The following B3GAT2 variants were observed in gnomAD, a reference collection of about 807,000 sequenced individuals.
B3GAT2 encodes the protein beta-1,3-glucuronyltransferase 2.
A neutral mutation model predicts 27.8 loss-of-function variants in B3GAT2; 26 were observed. The ratio of observed to expected loss-of-function variants is 0.93; its 90% confidence interval spans 0.68 to 1.30. B3GAT2 has a LOEUF of 1.30. B3GAT2 is among the 50% of genes most tolerant of loss of function. The pLI, the probability that B3GAT2 is intolerant of heterozygous loss-of-function variation, is 0.00. For missense variants in B3GAT2, 458 were observed against 459.0 expected, an observed-to-expected ratio of 1.00 and a Z score of 0.02; for synonymous variants, 218 against 195.1, an observed-to-expected ratio of 1.12 and a Z score of -0.98.
At chr6:70,951,975 C>G (rs1013928572) in intron 1 of B3GAT2, among the ~76,000 whole-genome samples, 2 of 151,972 alleles carry the variant, frequency 1.3e-5, no homozygotes, top group African/African-American at 4.8e-5. Flanking sequence ...TGTTTCCTTT[C>G]AGGAAACATA....
intron 1 of B3GAT2, among the ~76,000 whole-genome samples, chr6:70,902,162 G>A (rs1772509930): frequency 6.6e-6 from 1 of 152,182 alleles, no homozygotes; most frequent in Non-Finnish European, 1.5e-5. Flanking sequence ...TCAAGACAAT[G>A]TGGCATTAGT....
chr6:70,954,915 C>CGGGGCG (rs1554218595), intron 1 of B3GAT2, among the ~76,000 whole-genome samples: 9 of 114,960 alleles, frequency 7.8e-5, no homozygotes, highest in Non-Finnish European at 1.2e-4. Flanking sequence ...CCGGGGGCGG[C>CGGGGCG]GGGGGGGGGC....
intron 1 of B3GAT2, among the ~76,000 whole-genome samples, chr6:70,934,284 G>A (rs893526651): frequency 1.3e-5 from 2 of 152,080 alleles, no homozygotes; most frequent in Admixed American, 6.5e-5. Context: ...CCCTACATAC[G>A]GCATAAGCTT....
At chr6:70,904,900 G>A (rs544369597) in intron 1 of B3GAT2, among the ~76,000 whole-genome samples, 6 of 152,192 alleles carry the variant, frequency 3.9e-5, no homozygotes, top group Admixed American at 6.5e-5. Context: ...TCACTCCCTT[G>A]GCCAAGTGGT....
chr6:70,898,649 GA>G (rs1772435329), intron 1 of B3GAT2, among the ~76,000 whole-genome samples: 1 of 152,142 alleles, frequency 6.6e-6, no homozygotes, highest in African/African-American at 2.4e-5. Context: ...CTTTTGCCCA[GA>G]ACGCTAAATA....
rs1765663955 is a variant in B3GAT2, at chr6:70,956,701, C to T, written c.-272G>A. ...AGGTGAGCTGGCGGGAAGCGGGACTCGGTCCAGCCGCGCGCCGCCGGTCCC... is the reference window on the plus strand; with the variant it reads ...AGGTGAGCTGGCGGGAAGCGGGACTTGGTCCAGCCGCGCGCCGCCGGTCCC... On this transcript the variant is annotated 5_prime_UTR_variant, in exon 1 of 4. Transcript: ENST00000230053. 1.5e-6 allele frequency: 2 copies of T among 1,356,406 alleles called. No individual in the cohort carries two copies. The highest frequency in any genetic ancestry group is 1.9e-6 in the Non-Finnish European group (2 of 1,056,452). 84.0% of individuals were successfully genotyped at this position (1,356,406 alleles called of 1,614,324 possible). A position where few individuals can be genotyped will look rare whatever the true frequency, so the allele number is the denominator to read the frequency against.
chr6:70,917,765 T>A lies in B3GAT2; in HGVS notation c.592-23493A>T, dbSNP rs114533350. On this transcript the variant is annotated intron_variant, in intron 1 of 3. Transcript: ENST00000230053. The stretch of plus-strand genomic sequence containing the variant: ...GATTGCATTGCGGTCTGAGAGACAG[T>A]TTGATGTAATTTCTGTTCTTTTATA... Among the ~76,000 whole-genome samples the A allele has an allele frequency of 3.9e-3, 596 of 152,292 alleles. 6 individuals carry two copies. The highest frequency in any genetic ancestry group is 0.014 in the African/African-American group (569 of 41,554).
At chr6:70,890,115 C>T (rs1369118843) in intron 2 of B3GAT2, among the ~76,000 whole-genome samples, 1 of 152,106 alleles carries the variant, frequency 6.6e-6, no homozygotes, top group Non-Finnish European at 1.5e-5. Context: ...ATTCTGCTTC[C>T]AGCGGTCTTT....
chr6:70,904,833 G>A (rs1175593066), intron 1 of B3GAT2, among the ~76,000 whole-genome samples: 1 of 152,108 alleles, frequency 6.6e-6, no homozygotes, highest in Admixed American at 6.5e-5. Context: ...TATCACCCCT[G>A]GGGTTACTTG....
chr6:70,914,095 G>T (rs1239659633), intron 1 of B3GAT2, among the ~76,000 whole-genome samples: 2 of 151,946 alleles, frequency 1.3e-5, no homozygotes, highest in Non-Finnish European at 2.9e-5. Flanking sequence ...CATGAGATGG[G>T]TCTCTTGAAG....
In B3GAT2 at chr6:70,956,205, C is replaced by G; in HGVS notation, c.225G>C (p.Pro75=). Residue 75 remains proline, a synonymous_variant, in exon 1 of 4, where the codon CCG becomes CCC. Coordinates refer to ENST00000230053, the MANE Select transcript of B3GAT2 (RefSeq NM_080742.3). ...CATAGATGGTGGGCAGCTGCGGCTC[C>G]GGCTGTGGCTGCGGCCGAGACTGGT... ...KRNQSRPQPQ[P]EPQLPTIYAI... 6.2e-7 allele frequency: 1 copy of G among 1,612,128 alleles called. No individual in the cohort carries two copies. Among genetic ancestry groups the G allele is most frequent in the Non-Finnish European group, 8.5e-7 (1 of 1,179,028 alleles).
chr6:70,870,038 T>C (rs1269339571), intron 2 of B3GAT2, among the ~76,000 whole-genome samples: 1 of 152,172 alleles, frequency 6.6e-6, no homozygotes, highest in Non-Finnish European at 1.5e-5. Flanking sequence ...ATCCCATTAC[T>C]GGGTATATAC....
At chr6:70,883,793 T>C (rs181800914) in intron 2 of B3GAT2, among the ~76,000 whole-genome samples, 4 of 152,238 alleles carry the variant, frequency 2.6e-5, no homozygotes, top group Admixed American at 2.6e-4. Flanking sequence ...CAGGCAATCT[T>C]TTTGTTTATA....
chr6:70,954,052 C>T (rs899553882), intron 1 of B3GAT2, among the ~76,000 whole-genome samples: 10 of 152,188 alleles, frequency 6.6e-5, no homozygotes, highest in Non-Finnish European at 5.9e-5. Flanking sequence ...ACAATCTAGC[C>T]TCCTACAGTG....
At chr6:70,894,416 C>T in intron 1 of B3GAT2, 144 bp from the exon 2 acceptor site, 1 of 891,102 alleles carries the variant, frequency 1.1e-6, no homozygotes, top group Non-Finnish European at 1.6e-6. Flanking sequence ...CCTTCTGCTG[C>T]TAGAGTATGG....
intron 2 of B3GAT2, among the ~76,000 whole-genome samples, chr6:70,869,271 T>C (rs1771898114): frequency 6.6e-6 from 1 of 152,138 alleles, no homozygotes; most frequent in Non-Finnish European, 1.5e-5. Flanking sequence ...TGCCTCAGCC[T>C]CCTGAGTAGC....
intron 1 of B3GAT2, among the ~76,000 whole-genome samples, chr6:70,918,312 C>A (rs1772809001): frequency 6.6e-6 from 1 of 152,054 alleles, no homozygotes; most frequent in Admixed American, 6.6e-5. Flanking sequence ...TGAGATAGGT[C>A]TCCTGAATAC....
At chr6:70,909,465 A>T (rs989635609) in intron 1 of B3GAT2, among the ~76,000 whole-genome samples, 1 of 152,176 alleles carries the variant, frequency 6.6e-6, no homozygotes, top group East Asian at 1.9e-4. Flanking sequence ...GGCTTTTAAA[A>T]ATATATACAC....
chr6:70,884,114 CAAAAAAAA>C (rs1772144225), intron 2 of B3GAT2, among the ~76,000 whole-genome samples: 1 of 119,596 alleles, frequency 8.4e-6, no homozygotes. Flanking sequence ...AAAAAAAAAA[CAAAAAAAA>C]CCCGCAACCA....
Sources: allele counts gnomAD v4.1 joint callset (sites outside exome capture counted in the v4.1 genomes callset), GRCh38; gene constraint gnomAD v4.1.1; transcripts MANE v1.5; gene names NCBI Gene and HGNC (gene_info 2026-07-23, HGNC 2026-07-21).